The following EXOC7 variants were observed in gnomAD, a reference collection of about 807,000 sequenced individuals.
The protein encoded by EXOC7 is exocyst complex component Exo70.
EXOC7 carries 51 observed loss-of-function variants against 87.6 expected under a neutral mutation model. That is an observed-to-expected ratio of 0.58 (90% CI 0.46 to 0.73). EXOC7 has a LOEUF of 0.73. Among genes scored for constraint, EXOC7 ranks in the 30% least tolerant of loss-of-function variants. EXOC7 has a pLI of 0.00. For synonymous variants in EXOC7, 327 were observed against 357.1 expected (o/e 0.92, Z 0.95); for missense variants, 744 against 888.4 (o/e 0.84, Z 2.07).
chr17:76,091,909 G>A (rs1355907698), intron 6 of EXOC7, among the ~76,000 whole-genome samples: 1 of 152,216 alleles, frequency 6.6e-6, no homozygotes, highest in African/African-American at 2.4e-5. Context: ...CCTGGAGGGT[G>A]TGCACGGAAG....
At chr17:76,100,522 A>C (rs899270641) in intron 4 of EXOC7, among the ~76,000 whole-genome samples, 1 of 151,702 alleles carries the variant, frequency 6.6e-6, no homozygotes, top group African/African-American at 2.4e-5. Context: ...CCTCCCAGCT[A>C]CTCAGGAGGC....
chr17:76,089,295 C>T lies in EXOC7; in HGVS notation c.927G>A (p.Glu309=). The T allele has an allele frequency of 1.2e-6, 2 of 1,614,092 alleles. No homozygotes were observed. The highest frequency in any genetic ancestry group is 1.7e-6 in the Non-Finnish European group (2 of 1,180,002). Residue 309 remains glutamate, a synonymous_variant, in exon 8 of 19, where the codon GAG becomes GAA. Coordinates refer to ENST00000589210, the MANE Select transcript of EXOC7 (RefSeq NM_001013839.4). ...LEGRDDMLDV[E]TDAYIHCVSA... is the part of the protein sequence containing the mutation. Reference sequence around the variant, plus strand: ...TGACGCAGTGGATGTAGGCATCGGTCTCCACGTCCAGCATGTCATCTCTCC... The same window carrying T: ...TGACGCAGTGGATGTAGGCATCGGTTTCCACGTCCAGCATGTCATCTCTCC...
chr17:76,091,492 A>C (rs1598319258), intron 6 of EXOC7: 1 of 478,286 alleles, frequency 2.1e-6, no homozygotes, highest in South Asian at 2.5e-5. Context: ...GACAGAGGGT[A>C]ATGAAGATGG....
chr17:76,090,304 C>G (rs2067416759), intron 7 of EXOC7: 1 of 1,548,274 alleles, frequency 6.5e-7, no homozygotes, highest in African/African-American at 1.4e-5. Flanking sequence ...CAGCGGCTGC[C>G]CTCGGGCTGG....
At chr17:76,089,555 C>CA in intron 7 of EXOC7, 2 of 573,440 alleles carry the variant, frequency 3.5e-6, no homozygotes, top group Non-Finnish European at 6.3e-6. Flanking sequence ...TCTGCGCAGA[C>CA]AGTGGGATCA....
chr17:76,088,630 C>A, intron 9 of EXOC7, 68 bp from the exon 10 acceptor site: 1 of 1,595,316 alleles, frequency 6.3e-7, no homozygotes, highest in South Asian at 1.1e-5. Context: ...TCACCCAGGG[C>A]CCTTCCTAAG....
chr17:76,091,110 G>A (rs373236155), intron 7 of EXOC7, 33 bp downstream of exon 7: 1 of 1,579,704 alleles, frequency 6.3e-7, no homozygotes, highest in African/African-American at 1.3e-5. Flanking sequence ...CAGTGGAGGA[G>A]GAAGGGACAG....
Position 76,088,509 on chromosome 17 carries a change from C to A in EXOC7, c.1254G>T (p.Glu418Asp), listed in dbSNP as rs1169518348. The change falls in exon 10 of 19, where the codon GAG becomes GAT. Residue 418 changes from glutamate to aspartate, a missense_variant. Around this residue, in one of 3 missense-constraint regions of EXOC7, gnomAD observed 512 missense variants for 573.0 expected, o/e 0.89. Coordinates refer to ENST00000589210, the MANE Select transcript of EXOC7 (RefSeq NM_001013839.4). ...NKLPGLITSM[E>D]TIGAKALEDF... ...CCTCCAGCGCTTTGGCACCGATGGT[C>A]TCCATGGATGTGATGAGGCCAGGCA... 4 of 1,614,078 alleles carry A rather than the reference C, an allele frequency of 2.5e-6. No homozygotes were observed. The highest frequency in any genetic ancestry group is 1.6e-4 in the Middle Eastern group (1 of 6,062).
At chr17:76,096,819 G>C (rs1292827479) in intron 5 of EXOC7, among the ~76,000 whole-genome samples, 1 of 152,122 alleles carries the variant, frequency 6.6e-6, no homozygotes, top group African/African-American at 2.4e-5. Flanking sequence ...GCCCCCCAAA[G>C]TGCTGGGATT....
At chr17:76,102,145 C>T (rs958209364) in intron 2 of EXOC7, among the ~76,000 whole-genome samples, 1 of 152,186 alleles carries the variant, frequency 6.6e-6, no homozygotes, top group Non-Finnish European at 1.5e-5. Flanking sequence ...GGCTTCCCTT[C>T]CACCCTTTGA....
chr17:76,086,436 C>T (rs890383330), intron 12 of EXOC7, among the ~76,000 whole-genome samples: 1 of 152,202 alleles, frequency 6.6e-6, no homozygotes, highest in African/African-American at 2.4e-5. Flanking sequence ...CTGCCCCCAC[C>T]CACCCTGGGT....
In EXOC7 at chr17:76,089,752, A is replaced by G. The variant is rs2067390469; in HGVS notation, c.902-432T>C. ...TGGCACTGGGGTCATCCATGTGGGC[A>G]AATGCGGGGCCTGTGAAGGAAGTGA... On this transcript the variant is annotated intron_variant, in intron 7 of 18. Transcript: ENST00000589210. 3.9e-5 allele frequency: 8 copies of G among 202,958 alleles called. No homozygotes were observed. The South Asian group carries it at 7.6e-4, about 19-fold the overall frequency. 12.6% of individuals were successfully genotyped at this position (202,958 alleles called of 1,614,324 possible).
At position 76,081,719 on chromosome 17, in the gene EXOC7, G is replaced by C; in HGVS notation, c.*1929C>G. On this transcript the variant is annotated 3_prime_UTR_variant, in exon 19 of 19. Coordinates refer to ENST00000589210, the MANE Select transcript of EXOC7 (RefSeq NM_001013839.4). ...CGTCCTCCACTCCTCCCTGGTGCAG[G>C]CCCTGCCCAGCTCCTCCTCCTGCAA... The C allele has an allele frequency of 6.2e-7, 1 of 1,614,022 alleles. No homozygotes were observed. Among genetic ancestry groups the C allele is most frequent in the Non-Finnish European group, 8.5e-7 (1 of 1,180,004 alleles).
In EXOC7 at chr17:76,082,741, C is replaced by G; in HGVS notation, c.*907G>C. 1 of 1,312,872 alleles carries G rather than the reference C, an allele frequency of 7.6e-7. No individual in the cohort carries two copies. Among genetic ancestry groups the G allele is most frequent in the Admixed American group, 2.7e-5 (1 of 37,068 alleles). The allele number at this position is 1,312,872 out of a possible 1,614,324, so 81.3% of individuals were successfully genotyped here. ...CCATGACAGGGCCTCTGGATTAAGC[C>G]ACCCTGAGCTCTCCCTCCGCTAGCA... is the stretch of plus-strand genomic sequence containing the variant. On this transcript the variant is annotated 3_prime_UTR_variant, in exon 19 of 19. Coordinates refer to ENST00000589210, the MANE Select transcript of EXOC7 (RefSeq NM_001013839.4).
rs1237412830 is a variant in EXOC7, at chr17:76,084,504, G to A, written c.1776+13C>T. Reference sequence around the variant, plus strand: ...TGCCAGACACCCCTTCCCAGCCCAGGTCTTGAGCCCACCTTGACTCCCGGC... The same window carrying A: ...TGCCAGACACCCCTTCCCAGCCCAGATCTTGAGCCCACCTTGACTCCCGGC... On this transcript the variant is annotated intron_variant, in intron 16 of 18. Transcript: ENST00000589210. 1.4e-5 allele frequency: 23 copies of A among 1,613,484 alleles called. No homozygotes were observed. The highest frequency in any genetic ancestry group is 1.9e-5 in the Non-Finnish European group (22 of 1,179,806).
At chr17:76,084,387 G>C (rs750505773) in intron 16 of EXOC7, 98 bp from the exon 17 acceptor site, 6 of 1,578,756 alleles carry the variant, frequency 3.8e-6, no homozygotes, top group Middle Eastern at 1.7e-4. Context: ...CCTGTCTCCT[G>C]TGTCCTGATG....
At chr17:76,089,875 C>G in intron 7 of EXOC7, 1 of 183,594 alleles carries the variant, frequency 5.4e-6, no homozygotes, top group Non-Finnish European at 1.2e-5. Context: ...GCTGGTAAGT[C>G]CCAGAGAGGA....
rs2144618940 is a variant in EXOC7, at chr17:76,088,329, G to A, written c.1299+135C>T. The A allele has an allele frequency of 3.1e-6, 3 of 982,286 alleles. No homozygotes were observed. In the East Asian group the frequency reaches 7.7e-5, roughly 25 times the overall value. The allele number at this position is 982,286 out of a possible 1,614,324, so 60.8% of individuals were successfully genotyped here. On this transcript the variant is annotated intron_variant, in intron 10 of 18. Coordinates refer to ENST00000589210, the MANE Select transcript of EXOC7 (RefSeq NM_001013839.4). The stretch of plus-strand genomic sequence containing the variant: ...AGGAAGGAAAGGAAGGCACATGGGT[G>A]CTGACAGGCCAGTGGCGCAGCTGGC...
chr17:76,083,894 A>C, intron 18 of EXOC7, 112 bp downstream of exon 18: 1 of 1,486,796 alleles, frequency 6.7e-7, no homozygotes, highest in Non-Finnish European at 9.0e-7. Flanking sequence ...AGGTCGCTGG[A>C]TCTGCTGCCT....
Sources: gnomAD v4.1 joint callset for allele counts (sites outside exome capture counted in the v4.1 genomes callset) on GRCh38, gnomAD v4.1.1 for gene constraint, gnomAD v4.1.1 regional missense constraint, MANE v1.5 for transcripts, NCBI Gene and HGNC (gene_info 2026-07-23, HGNC 2026-07-21) for gene names.